The following ZNF638 variants were observed in gnomAD, a reference collection of about 807,000 sequenced individuals.
ZNF638 encodes the protein CTCL tumor antigen se33-1.
ZNF638 carries 46 observed loss-of-function variants against 195.6 expected under a neutral mutation model. The observed-to-expected ratio is 0.24, with a 90% CI of 0.19 to 0.30. The LOEUF (loss-of-function observed/expected upper bound fraction) is 0.30, where lower values mean the gene tolerates loss of function less well. Among genes scored for constraint, ZNF638 ranks in the 10% least tolerant of loss-of-function variants. The probability of loss-of-function intolerance (pLI) is 1.00; values close to 1 mark genes in which losing one functional copy is unlikely to be tolerated. For missense variants in ZNF638, 2,440 were observed against 2,325.3 expected (o/e 1.05, Z -1.01); for synonymous variants, 845 against 772.0 (o/e 1.09, Z -1.57).
intron 16 of ZNF638, among the ~76,000 whole-genome samples, chr2:71,403,122 T>C (rs1349720423): frequency 6.6e-6 from 1 of 152,124 alleles, no homozygotes; most frequent in Non-Finnish European, 1.5e-5. Flanking sequence ...GAAAATACTT[T>C]AAACATTTAT....
rs776893707 is a variant in ZNF638, at chr2:71,349,799, G to A, written c.845G>A (p.Arg282Gln). The change falls in exon 2 of 28, where the codon CGG (arginine) becomes CAG (glutamine). Residue 282 changes from arginine to glutamine, a missense_variant. Arg to Gln is a conservative substitution (Grantham distance 43). Transcript: ENST00000264447. ...MDFPGESSNN[R>Q]SFFSVESGTK... is the part of the protein sequence containing the mutation. ...TTCCCCGGTGAGTCCTCCAATAATCGGTCCTTTTTCTCAGTTGAGAGTGGA... is the reference window on the plus strand; with the variant it reads ...TTCCCCGGTGAGTCCTCCAATAATCAGTCCTTTTTCTCAGTTGAGAGTGGA... 3.1e-6 allele frequency: 5 copies of A among 1,614,078 alleles called. No homozygotes were observed. The highest frequency in any genetic ancestry group is 4.2e-6 in the Non-Finnish European group (5 of 1,180,008).
chr2:71,347,235 T>G (rs948211078), intron 1 of ZNF638, among the ~76,000 whole-genome samples: 17 of 152,140 alleles, frequency 1.1e-4, no homozygotes, highest in Non-Finnish European at 2.2e-4. Flanking sequence ...TTAGAGAGAT[T>G]GGTTAGATTG....
Position 71,365,498 on chromosome 2 carries a change from A to C in ZNF638, c.1787A>C (p.His596Pro), listed in dbSNP as rs2079181350. 1 of 1,614,044 alleles carries C rather than the reference A, an allele frequency of 6.2e-7. No individual in the cohort carries two copies. The highest frequency in any genetic ancestry group is 1.1e-5 in the South Asian group (1 of 91,090). Residue 596 changes from histidine to proline, a missense_variant, in exon 6 of 28, where the codon CAT becomes CCT. Coordinates refer to ENST00000264447, the MANE Select transcript of ZNF638 (RefSeq NM_014497.5). ...GGGACAGAATTTAATAAACAGAAGC[A>C]TCTTGAAGCTGCTGATAAGGGACAT... ...GHGTEFNKQK[H>P]LEAADKGHSP...
intron 20 of ZNF638, among the ~76,000 whole-genome samples, chr2:71,417,327 G>A: frequency 6.6e-6 from 1 of 151,018 alleles, no homozygotes. Context: ...GCCTCGCCCT[G>A]CTTCGGCTCG....
intron 24 of ZNF638, 88 bp from the exon 25 acceptor site, chr2:71,428,459 A>G (rs2080585415): frequency 8.4e-7 from 1 of 1,197,580 alleles, no homozygotes; most frequent in Non-Finnish European, 1.2e-6. Flanking sequence ...AAAAATGTAT[A>G]ATGTTGATTC....
In ZNF638 at chr2:71,349,657, A is replaced by G. The variant is rs1328961995; in HGVS notation, c.703A>G (p.Thr235Ala). The change falls in exon 2 of 28, where the codon ACT becomes GCT. Residue 235 changes from threonine (T) to alanine (A), a missense_variant. Coordinates refer to ENST00000264447, the MANE Select transcript of ZNF638 (RefSeq NM_014497.5). ...ACGTATTTATGATCCTGAAATTCCA[A>G]CTGATGAGGTCGAGAATGAATTTCA... Reference protein sequence around the residue: ...EVRIYDPEIPTDEVENEFQSQ... With the variant: ...EVRIYDPEIPADEVENEFQSQ... 2.5e-6 allele frequency: 4 copies of G among 1,614,156 alleles called. No individual in the cohort carries two copies. Among genetic ancestry groups the G allele is most frequent in the Non-Finnish European group, 1.7e-6 (2 of 1,180,022 alleles).
chr2:71,406,138 A>T lies in ZNF638; in HGVS notation c.3011A>T (p.Asp1004Val), dbSNP rs371330004. 385 of 1,613,536 alleles carry T rather than the reference A, an allele frequency of 2.4e-4. 1 individual carries two copies. The highest frequency in any genetic ancestry group is 3.2e-4 in the Non-Finnish European group (375 of 1,179,722). The change falls in exon 19 of 28, where the codon GAT (aspartate) becomes GTT (valine). Residue 1004 changes from aspartate (D) to valine (V), a missense_variant. This residue lies in a region of ZNF638 where 1,883 missense variants were observed against 1,739.1 expected (regional missense o/e 1.08). Transcript: ENST00000264447. ...CTTAAAAAACTACAGGCAAACATAGATACAATTTATGATCGATTTGTACAT... is the reference window on the plus strand; with the variant it reads ...CTTAAAAAACTACAGGCAAACATAGTTACAATTTATGATCGATTTGTACAT... ...VKENDPEANI[D>V]TIYDRFVHLD...
chr2:71,377,192 G>A (rs1046385044), intron 8 of ZNF638, among the ~76,000 whole-genome samples: 3 of 152,134 alleles, frequency 2.0e-5, no homozygotes, highest in African/African-American at 7.2e-5. Context: ...TTGAGCCTGG[G>A]AGGCGGAGGT....
Position 71,331,856 on chromosome 2 carries a change from T to C in ZNF638, c.-222T>C. The C allele has an allele frequency of 1.0e-6, 1 of 986,342 alleles. No individual in the cohort carries two copies. The highest frequency in any genetic ancestry group is 1.2e-6 in the Non-Finnish European group (1 of 830,324). The allele number at this position is 986,342 out of a possible 1,614,324, so 61.1% of individuals were successfully genotyped here. Reference sequence around the variant, plus strand: ...GTGTGGGGCGCGGATGGGATCCAGCTGTTAGTCGGGTAGGCATAGGTAGGA... The same window carrying C: ...GTGTGGGGCGCGGATGGGATCCAGCCGTTAGTCGGGTAGGCATAGGTAGGA... On this transcript the variant is annotated 5_prime_UTR_variant, in exon 1 of 28. Coordinates refer to ENST00000264447, the MANE Select transcript of ZNF638 (RefSeq NM_014497.5).
In ZNF638 at chr2:71,424,721, AAAT is replaced by A; in HGVS notation, c.4590+8_4590+10del. The A allele has an allele frequency of 6.2e-7, 1 of 1,610,804 alleles. No individual in the cohort carries two copies. Among genetic ancestry groups the A allele is most frequent in the Non-Finnish European group, 8.5e-7 (1 of 1,177,676 alleles). Reference sequence around the variant, plus strand: ...GAAGTTCCAAATCTAAAGAGGTAAAAAATAGATCACAGACCCTAACCCTTCTTT... The same window carrying A: ...GAAGTTCCAAATCTAAAGAGGTAAAAAGATCACAGACCCTAACCCTTCTTT... On this transcript the variant is annotated splice_region_variant and intron_variant, in intron 23 of 27. Coordinates refer to ENST00000264447, the MANE Select transcript of ZNF638 (RefSeq NM_014497.5).
chr2:71,334,278 A>C (rs2078624952), intron 1 of ZNF638, among the ~76,000 whole-genome samples: 2 of 152,200 alleles, frequency 1.3e-5, no homozygotes, highest in Admixed American at 1.3e-4. Context: ...AATTTGTCCA[A>C]ATCCTTAATA....
intron 8 of ZNF638, among the ~76,000 whole-genome samples, chr2:71,373,265 GT>G (rs2079348841): frequency 6.6e-6 from 1 of 151,148 alleles, no homozygotes; most frequent in East Asian, 2.0e-4. Flanking sequence ...TCTATTAACT[GT>G]TTAAGTGAGT....
At chr2:71,358,463 A>G (rs983670659) in intron 3 of ZNF638, among the ~76,000 whole-genome samples, 9 of 152,174 alleles carry the variant, frequency 5.9e-5, no homozygotes, top group African/African-American at 1.9e-4. Flanking sequence ...CTGAAAATGA[A>G]CAGTGTGTGT....
chr2:71,351,414 A>T (rs1429063949), intron 2 of ZNF638, among the ~76,000 whole-genome samples: 1 of 152,222 alleles, frequency 6.6e-6, no homozygotes. Context: ...GCCTTATTCC[A>T]TCAGAAGGGA....
intron 8 of ZNF638, among the ~76,000 whole-genome samples, chr2:71,376,614 A>G (rs1573076028): frequency 6.6e-6 from 1 of 152,160 alleles, no homozygotes; most frequent in South Asian, 2.1e-4. Context: ...TACCCGCCCA[A>G]CATTTGATAT....
chr2:71,402,915 G>A lies in ZNF638; in HGVS notation c.2829+828G>A, dbSNP rs149318527. Among the ~76,000 whole-genome samples, 78 of 152,160 alleles carry A rather than the reference G, an allele frequency of 5.1e-4. 1 individual carries two copies. In the East Asian group the frequency reaches 7.7e-3, roughly 15 times the overall value. Reference sequence around the variant, plus strand: ...TCCGAGCCAATTTGCTTTAGAAAATGGTAGAAGAGAGTGAGTACAGGTGAG... The same window carrying A: ...TCCGAGCCAATTTGCTTTAGAAAATAGTAGAAGAGAGTGAGTACAGGTGAG... On this transcript the variant is annotated intron_variant, in intron 16 of 27. Coordinates refer to ENST00000264447, the MANE Select transcript of ZNF638 (RefSeq NM_014497.5).
At chr2:71,365,341 T>A in intron 5 of ZNF638, 88 bp from the exon 6 acceptor site, 1 of 1,102,164 alleles carries the variant, frequency 9.1e-7, no homozygotes, top group Non-Finnish European at 1.3e-6. Flanking sequence ...CCTGTTTAGC[T>A]TGAGAATAGC....
intron 20 of ZNF638, 139 bp from the exon 21 acceptor site, chr2:71,418,463 A>T (rs902076253): frequency 3.9e-6 from 2 of 506,738 alleles, no homozygotes; most frequent in African/African-American, 4.0e-5. Context: ...AGTAATGTAG[A>T]CACTGAAAAC....
Position 71,349,742 on chromosome 2 carries a change from T to C in ZNF638, c.788T>C (p.Phe263Ser). 2 of 1,614,198 alleles carry C rather than the reference T, an allele frequency of 1.2e-6. No individual in the cohort carries two copies. The highest frequency in any genetic ancestry group is 2.2e-5 in the South Asian group (2 of 91,080). ...PNPNVICNSM[F>S]PVEDVFRQMD... is the part of the protein sequence containing the mutation. ...CCAAATGTGATATGTAATTCTATGT[T>C]TCCTGTTGAAGACGTATTTCGCCAA... Residue 263 changes from phenylalanine to serine, a missense_variant, in exon 2 of 28, where the codon TTT (phenylalanine) becomes TCT (serine). This residue lies in a region of ZNF638 where 305 missense variants were observed against 283.6 expected (regional missense o/e 1.08). Transcript: ENST00000264447.
Sources: gnomAD v4.1 joint callset for allele counts (sites outside exome capture counted in the v4.1 genomes callset) on GRCh38, gnomAD v4.1.1 for gene constraint, gnomAD v4.1.1 regional missense constraint, MANE v1.5 for transcripts, NCBI Gene and HGNC (gene_info 2026-07-23, HGNC 2026-07-21) for gene names.